The following TNIP2 variants were observed in gnomAD, a reference collection of about 807,000 sequenced individuals.
The protein encoded by TNIP2 is TNFAIP3-interacting protein 2.
TNIP2 carries 30 observed loss-of-function variants against 43.7 expected under a neutral mutation model. That is an observed-to-expected ratio of 0.69 (90% CI 0.51 to 0.93). The LOEUF (loss-of-function observed/expected upper bound fraction) is 0.93, where lower values mean the gene tolerates loss of function less well. Among genes scored for constraint, TNIP2 ranks in the 40% least tolerant of loss-of-function variants. TNIP2 has a pLI of 0.00. For synonymous variants in TNIP2, 260 were observed against 254.6 expected (o/e 1.02, Z -0.20); for missense variants, 599 against 591.0 (o/e 1.01, Z -0.14).
At position 2,744,630 on chromosome 4, in the gene TNIP2, A is replaced by G; in HGVS notation, c.906+67T>C. 6.3e-7 allele frequency: 1 copy of G among 1,583,416 alleles called. No homozygotes were observed. The highest frequency in any genetic ancestry group is 2.2e-5 in the East Asian group (1 of 44,542). On this transcript the variant is annotated intron_variant, in intron 4 of 5. Coordinates refer to ENST00000315423, the MANE Select transcript of TNIP2 (RefSeq NM_024309.4). The surrounding 1 kb of genome is among the most constrained non-coding windows in gnomAD (Gnocchi z 5.1). ...CCAAGCCTTCAGCCCAGCCTGTCCC[A>G]TGATTTCGGCCACCACCGGCCAGCA...
In TNIP2 at chr4:2,742,906, C is replaced by G. The variant is rs112298262; in HGVS notation, c.1027-386G>C. Among the ~76,000 whole-genome samples, 8 of 152,312 alleles carry G rather than the reference C, an allele frequency of 5.3e-5. 2 individuals are homozygous for G. Among genetic ancestry groups the G allele is most frequent in the African/African-American group, 1.9e-4 (8 of 41,574 alleles). On this transcript the variant is annotated intron_variant, in intron 5 of 5. Coordinates refer to ENST00000315423, the MANE Select transcript of TNIP2 (RefSeq NM_024309.4). ...GGAGCTGGGCAAACTGAGTACCAAC[C>G]CTACTCTGCACCTCCTCTGTGGGGC...
rs929521581 is a variant in TNIP2, at chr4:2,745,210, G to A, written c.657+236C>T. ...TGTCTTAGAAAATGGACCTCCTGCTGCTAACTCTTGCATCTCCTTTACTGA... is the reference window on the plus strand; with the variant it reads ...TGTCTTAGAAAATGGACCTCCTGCTACTAACTCTTGCATCTCCTTTACTGA... On this transcript the variant is annotated intron_variant, in intron 3 of 5. Coordinates refer to ENST00000315423, the MANE Select transcript of TNIP2 (RefSeq NM_024309.4). 6 of 605,362 alleles carry A rather than the reference G, an allele frequency of 9.9e-6. No individual in the cohort carries two copies. The African/African-American group carries it at 1.1e-4, about 11-fold the overall frequency. The allele number at this position is 605,362 out of a possible 1,614,324, so 37.5% of individuals were successfully genotyped here.
intron 1 of TNIP2, among the ~76,000 whole-genome samples, chr4:2,753,073 TAAAAAA>T (rs1490161589): frequency 6.6e-6 from 1 of 151,636 alleles, no homozygotes. Flanking sequence ...ACCCTGTCTC[TAAAAAA>T]ATAAAAATAA....
intron 1 of TNIP2, among the ~76,000 whole-genome samples, chr4:2,748,797 T>G (rs1473552593): frequency 1.5e-5 from 1 of 67,286 alleles, no homozygotes; most frequent in African/African-American, 3.3e-5. Context: ...CCCAGCAATT[T>G]TTTTTTTTTT....
chr4:2,756,335 G>C lies in TNIP2; in HGVS notation c.-46C>G, dbSNP rs1388478990. On this transcript the variant is annotated 5_prime_UTR_variant, in exon 1 of 6. Transcript: ENST00000315423. ...GGCCGCGCGGCCGCCGGCAACTTCC[G>C]CGCCCGGGCCCCGCCGGCTGCCGCC... 4.4e-6 allele frequency: 5 copies of C among 1,146,358 alleles called. No individual in the cohort carries two copies. The African/African-American group carries it at 6.5e-5, about 15-fold the overall frequency. 71.0% of individuals were successfully genotyped at this position (1,146,358 alleles called of 1,614,324 possible).
chr4:2,748,620 AGTGCTGGGATTACAGGC>A (rs1722017637), intron 1 of TNIP2, among the ~76,000 whole-genome samples: 1 of 134,598 alleles, frequency 7.4e-6, no homozygotes, highest in African/African-American at 3.3e-5. Flanking sequence ...AGCCTCCCAA[AGTGCTGGGATTACAGGC>A]GTGAGCCACC....
At chr4:2,752,226 C>T (rs75692427) in intron 1 of TNIP2, among the ~76,000 whole-genome samples, 116 of 152,216 alleles carry the variant, frequency 7.6e-4, no homozygotes, top group Admixed American at 5.2e-3. Flanking sequence ...GGGGCTGATA[C>T]GCCAGGACCA....
Position 2,756,224 on chromosome 4 carries a change from G to C in TNIP2, c.66C>G (p.Thr22=), listed in dbSNP as rs902142959. The C allele has an allele frequency of 1.6e-5, 23 of 1,463,232 alleles. No homozygotes were observed. The highest frequency in any genetic ancestry group is 2.0e-5 in the Non-Finnish European group (22 of 1,114,902). 90.6% of individuals were successfully genotyped at this position (1,463,232 alleles called of 1,614,324 possible). A position where few individuals can be genotyped will look rare whatever the true frequency, so the allele number is the denominator to read the frequency against. Reference sequence around the variant, plus strand: ...GCCGCTGTCCGGCCTCGTGGTACAGGGTGCAGAGCGCGGCAGCTGCGCGCG... The same window carrying C: ...GCCGCTGTCCGGCCTCGTGGTACAGCGTGCAGAGCGCGGCAGCTGCGCGCG... ...EAPRAAAALC[T]LYHEAGQRLR... The change falls in exon 1 of 6, where the codon ACC becomes ACG. Residue 22 remains threonine (T), a synonymous_variant. Transcript: ENST00000315423.
At chr4:2,754,610 T>G (rs1172609519) in intron 1 of TNIP2, among the ~76,000 whole-genome samples, 3 of 152,078 alleles carry the variant, frequency 2.0e-5, no homozygotes, top group Non-Finnish European at 1.5e-5. Context: ...TAGAGATGGG[T>G]TTTCACCATG....
Position 2,744,873 on chromosome 4 carries a change from G to T in TNIP2, c.730C>A (p.Gln244Lys). 2 of 1,613,962 alleles carry T rather than the reference G, an allele frequency of 1.2e-6. No individual in the cohort carries two copies. Among genetic ancestry groups the T allele is most frequent in the East Asian group, 4.5e-5 (2 of 44,886 alleles). The change falls in exon 4 of 6, where the codon CAG becomes AAG. Residue 244 changes from glutamine to lysine, a missense_variant. Coordinates refer to ENST00000315423, the MANE Select transcript of TNIP2 (RefSeq NM_024309.4). The surrounding 1 kb of genome is among the most constrained non-coding windows in gnomAD (Gnocchi z 5.1). ...RDEYVRGLHA[Q>K]LRGLQIPHEP... ...TGGGGGATCTGCAGCCCCCTGAGCT[G>T]CGCATGGAGCCCCCTCACGTATTCG...
chr4:2,748,448 T>C (rs889451216), intron 1 of TNIP2, among the ~76,000 whole-genome samples: 4 of 152,192 alleles, frequency 2.6e-5, no homozygotes, highest in Non-Finnish European at 4.4e-5. Flanking sequence ...GTTCACACCA[T>C]TCTCCTGCCT....
chr4:2,750,332 C>T (rs1007578240), intron 1 of TNIP2, among the ~76,000 whole-genome samples: 9 of 151,844 alleles, frequency 5.9e-5, no homozygotes, highest in South Asian at 2.1e-4. Flanking sequence ...GGACAGAGAC[C>T]GGGAACCTAG....
chr4:2,742,597 G>C (rs959059808), intron 5 of TNIP2, 77 bp from the exon 6 acceptor site: 18 of 1,422,970 alleles, frequency 1.3e-5, no homozygotes, highest in Middle Eastern at 1.9e-4. Flanking sequence ...CCAGCAACCA[G>C]AGGCACTTCA....
rs1265832069 is a variant in TNIP2 at position 2,748,028 on chromosome 4, C to A, written c.277-83G>T. The stretch of plus-strand genomic sequence containing the variant: ...AAATGTTCAGAAAGCAAAAGAAGAC[C>A]TGGCGTGGATGCCCCATCACCAGAC... On this transcript the variant is annotated intron_variant, in intron 1 of 5. Transcript: ENST00000315423. The A allele has an allele frequency of 2.7e-6, 4 of 1,463,584 alleles. No homozygotes were observed. The African/African-American group carries it at 4.2e-5, about 15-fold the overall frequency. 90.7% of individuals were successfully genotyped at this position (1,463,584 alleles called of 1,614,324 possible).
intron 5 of TNIP2, among the ~76,000 whole-genome samples, chr4:2,743,657 C>T (rs561599287): frequency 6.6e-6 from 1 of 152,288 alleles, no homozygotes; most frequent in South Asian, 2.1e-4. Flanking sequence ...AGCTCCAGCC[C>T]GGGACGCATC....
At chr4:2,755,591 C>T (rs1203442090) in intron 1 of TNIP2, among the ~76,000 whole-genome samples, 2 of 147,232 alleles carry the variant, frequency 1.4e-5, no homozygotes, top group East Asian at 4.1e-4. Context: ...GGACCCAGCA[C>T]ACCTCAGCCC....
chr4:2,748,432 T>A (rs1372798882), intron 1 of TNIP2, among the ~76,000 whole-genome samples: 2 of 152,230 alleles, frequency 1.3e-5, no homozygotes, highest in East Asian at 3.9e-4. Flanking sequence ...AAGCTCCGCC[T>A]CAGAGGTTCA....
chr4:2,742,222 G>C lies in TNIP2; in HGVS notation c.*35C>G. The C allele has an allele frequency of 2.8e-6, 4 of 1,436,178 alleles. No individual in the cohort carries two copies. Among genetic ancestry groups the C allele is most frequent in the Non-Finnish European group, 3.7e-6 (4 of 1,089,352 alleles). The allele number at this position is 1,436,178 out of a possible 1,614,324, so 89.0% of individuals were successfully genotyped here. ...CCTGTCCCTGAGGGCAGCTGCACCG[G>C]GCCAGGAGGCCGCAAGGGCACGGGT... On this transcript the variant is annotated 3_prime_UTR_variant, in exon 6 of 6. Transcript: ENST00000315423.
chr4:2,753,664 G>A (rs1355682406), intron 1 of TNIP2, among the ~76,000 whole-genome samples: 2 of 152,224 alleles, frequency 1.3e-5, no homozygotes, highest in African/African-American at 4.8e-5. Flanking sequence ...CTCTGGTTGT[G>A]AGGTCCCTGC....
Sources: allele counts gnomAD v4.1 joint callset (sites outside exome capture counted in the v4.1 genomes callset), GRCh38; gene constraint gnomAD v4.1.1; non-coding constraint Gnocchi (gnomAD v3.1); transcripts MANE v1.5; gene names NCBI Gene and HGNC (gene_info 2026-07-23, HGNC 2026-07-21).